The following METTL16 variants were observed in gnomAD, a reference collection of about 807,000 sequenced individuals.
METTL16 encodes RNA N(6)-adenosine-methyltransferase METTL16.
In METTL16, 19 loss-of-function variants were observed where a neutral mutation model predicts 57.9. The ratio of observed to expected loss-of-function variants is 0.33; its 90% CI spans 0.23 to 0.48. METTL16 has a LOEUF of 0.48. METTL16 is among the 20% of genes least tolerant of loss of function. METTL16 has a pLI of 0.99. For missense variants in METTL16, 434 were observed against 691.5 expected (o/e 0.63, Z 4.18); for synonymous variants, 246 against 255.6 (o/e 0.96, Z 0.36).
At chr17:2,421,004 T>G in intron 8 of METTL16, 100 bp from the exon 9 acceptor site, 1 of 1,304,882 alleles carries the variant, frequency 7.7e-7, no homozygotes, top group Non-Finnish European at 1.1e-6. Context: ...CAACTTCTGC[T>G]ACCAATCATA....
intron 8 of METTL16, among the ~76,000 whole-genome samples, chr17:2,426,030 C>CAA (rs71375599): frequency 0.029 from 2,719 of 93,026 alleles, 70 homozygotes; most frequent in African/African-American, 0.064. Flanking sequence ...ATGGCTAAGG[C>CAA]AAAAAAAAAA....
At chr17:2,484,289 A>G (rs2151572031) in intron 2 of METTL16, among the ~76,000 whole-genome samples, 1 of 152,322 alleles carries the variant, frequency 6.6e-6, no homozygotes, top group South Asian at 2.1e-4. Context: ...GACAAGATAA[A>G]GAGCTTGTGC....
intron 2 of METTL16, among the ~76,000 whole-genome samples, chr17:2,487,374 G>A (rs1321445813): frequency 2.6e-5 from 4 of 152,222 alleles, no homozygotes; most frequent in African/African-American, 7.2e-5. Context: ...GGATAACAGC[G>A]ATGAAGGAGA....
intron 1 of METTL16, among the ~76,000 whole-genome samples, chr17:2,509,908 T>C (rs561757585): frequency 8.0e-6 from 1 of 125,424 alleles, no homozygotes; most frequent in Non-Finnish European, 1.6e-5. Context: ...CAACACTCCG[T>C]CTCAAAAAAA....
At chr17:2,442,044 G>C (rs2066956357) in intron 6 of METTL16, among the ~76,000 whole-genome samples, 1 of 152,164 alleles carries the variant, frequency 6.6e-6, no homozygotes, top group African/African-American at 2.4e-5. Flanking sequence ...ATTTGCTCTA[G>C]AGTAAAAACA....
chr17:2,455,153 A>G (rs575688234), intron 6 of METTL16: 30 of 160,920 alleles, frequency 1.9e-4, no homozygotes, highest in Non-Finnish European at 3.1e-4. Context: ...CAATGGCGTT[A>G]TCTTGGCTCA....
At chr17:2,486,969 A>C (rs1443000673) in intron 2 of METTL16, among the ~76,000 whole-genome samples, 3 of 129,442 alleles carry the variant, frequency 2.3e-5, no homozygotes, top group Non-Finnish European at 4.7e-5. Context: ...GTACCACTGC[A>C]CTCCAGCCTG....
In METTL16 at chr17:2,419,416, T is replaced by G. The variant is rs2066743292; in HGVS notation, c.*554A>C. On this transcript the variant is annotated 3_prime_UTR_variant, in exon 10 of 10. Coordinates refer to ENST00000263092, the MANE Select transcript of METTL16 (RefSeq NM_024086.4). Reference sequence around the variant, plus strand: ...TTACCGGGTGGTCCCCAGACTCTGCTGCTCCTTCCCAGCATTACTAAGGTT... The same window carrying G: ...TTACCGGGTGGTCCCCAGACTCTGCGGCTCCTTCCCAGCATTACTAAGGTT... 3.2e-6 allele frequency: 1 copy of G among 315,180 alleles called. No individual in the cohort carries two copies. Among genetic ancestry groups the G allele is most frequent in the Non-Finnish European group, 6.3e-6 (1 of 157,908 alleles). 19.5% of individuals were successfully genotyped at this position (315,180 alleles called of 1,614,324 possible).
At chr17:2,472,688 C>T (rs2067242866) in intron 4 of METTL16, among the ~76,000 whole-genome samples, 2 of 151,826 alleles carry the variant, frequency 1.3e-5, no homozygotes, top group South Asian at 4.2e-4. Context: ...AGCTATCAAA[C>T]TATAAAAAGA....
chr17:2,504,058 T>C (rs1432621107), intron 1 of METTL16, among the ~76,000 whole-genome samples: 2 of 152,202 alleles, frequency 1.3e-5, no homozygotes, highest in Non-Finnish European at 2.9e-5. Flanking sequence ...GAAATTCTGA[T>C]ACATGCTACA....
chr17:2,435,007 G>A (rs747633737), intron 8 of METTL16, among the ~76,000 whole-genome samples: 1 of 152,194 alleles, frequency 6.6e-6, no homozygotes, highest in Non-Finnish European at 1.5e-5. Context: ...TTAGCGGAGA[G>A]CTGGAACAAA....
chr17:2,508,154 AT>A lies in METTL16; in HGVS notation c.-1+3604del, dbSNP rs1345273443. On this transcript the variant is annotated intron_variant, in intron 1 of 9. Coordinates refer to ENST00000263092, the MANE Select transcript of METTL16 (RefSeq NM_024086.4). Reference sequence around the variant, plus strand: ...AAAAAAAAAAGACAAATCCTCTATTATAACATCTCCTAGCAATAAATATTTT... The same window carrying A: ...AAAAAAAAAAGACAAATCCTCTATTAAACATCTCCTAGCAATAAATATTTT... Among the ~76,000 whole-genome samples the A allele has an allele frequency of 2.0e-5, 3 of 152,014 alleles. No individual in the cohort carries two copies. In the East Asian group the frequency reaches 5.8e-4, roughly 29 times the overall value.
intron 3 of METTL16, 96 bp from the exon 4 acceptor site, chr17:2,473,760 A>T (rs1165623504): frequency 1.9e-5 from 25 of 1,304,942 alleles, no homozygotes; most frequent in Middle Eastern, 1.9e-4. Context: ...CTGTTTGCAG[A>T]CAGGGTCTCA....
chr17:2,448,734 G>A (rs1597449137), intron 6 of METTL16, among the ~76,000 whole-genome samples: 2 of 61,048 alleles, frequency 3.3e-5, no homozygotes, highest in South Asian at 5.7e-4. Flanking sequence ...ACCCAAGAAT[G>A]ATCAATAAAA....
intron 6 of METTL16, among the ~76,000 whole-genome samples, chr17:2,442,706 T>C (rs2066962667): frequency 6.6e-6 from 1 of 152,050 alleles, no homozygotes; most frequent in African/African-American, 2.4e-5. Flanking sequence ...GTCCTACAGG[T>C]ATTAAAGGGT....
chr17:2,456,906 G>T (rs1478980791), intron 6 of METTL16, among the ~76,000 whole-genome samples: 1 of 149,528 alleles, frequency 6.7e-6, no homozygotes, highest in Admixed American at 6.7e-5. Flanking sequence ...TCCTGCCTCA[G>T]CCTGCCATGT....
intron 2 of METTL16, among the ~76,000 whole-genome samples, chr17:2,497,901 AT>A (rs2067458067): frequency 6.6e-6 from 1 of 151,710 alleles, no homozygotes; most frequent in Non-Finnish European, 1.5e-5. Context: ...CTTTTAAAAA[AT>A]ATACCTCTTA....
At chr17:2,511,670 G>A (rs897708814) in intron 1 of METTL16, 89 bp downstream of exon 1, 3 of 394,324 alleles carry the variant, frequency 7.6e-6, no homozygotes, top group South Asian at 1.4e-4. Flanking sequence ...CACCTCACTA[G>A]CCCAAAACTC....
chr17:2,428,564 A>AATATAT lies in METTL16; in HGVS notation c.889-7666_889-7661dup, dbSNP rs71362532. ...AAAAAAAAAAAAAAAAAAAAAAAAAAATATATATATATATATATATATATA... is the reference window on the plus strand; with the variant it reads ...AAAAAAAAAAAAAAAAAAAAAAAAAAATATATATATATATATATATATATATATATA... On this transcript the variant is annotated intron_variant, in intron 8 of 9. Coordinates refer to ENST00000263092, the MANE Select transcript of METTL16 (RefSeq NM_024086.4). Among the ~76,000 whole-genome samples the AATATAT allele has an allele frequency of 5.4e-3, 169 of 31,278 alleles. 1 individual carries two copies. The highest frequency in any genetic ancestry group is 7.2e-3 in the Non-Finnish European group (144 of 19,978). The allele number at this position is 31,278 out of a possible 152,430, so 20.5% of individuals were successfully genotyped here. A position where few individuals can be genotyped will look rare whatever the true frequency, so the allele number is the denominator to read the frequency against.
Sources: gnomAD v4.1 joint callset for allele counts (sites outside exome capture counted in the v4.1 genomes callset) on GRCh38, gnomAD v4.1.1 for gene constraint, MANE v1.5 for transcripts, NCBI Gene and HGNC (gene_info 2026-07-23, HGNC 2026-07-21) for gene names.